PARVA: variants seen among roughly 807,000 people sequenced by gnomAD.
PARVA encodes alpha-parvin.
PARVA carries 25 observed loss-of-function variants against 52.6 expected under a neutral mutation model. The ratio of observed to expected loss-of-function variants is 0.48; its 90% CI spans 0.35 to 0.66. PARVA has a LOEUF of 0.66. Among genes scored for constraint, PARVA ranks in the 30% least tolerant of loss-of-function variants. PARVA has a pLI of 0.01. For missense variants in PARVA, 373 were observed against 450.9 expected, an observed-to-expected ratio of 0.83 and a Z score of 1.56; for synonymous variants, 185 against 179.1, an observed-to-expected ratio of 1.03 and a Z score of -0.26.
chr11:12,396,964 C>T (rs976757778), intron 1 of PARVA, among the ~76,000 whole-genome samples: 1 of 142,998 alleles, frequency 7.0e-6, no homozygotes, highest in African/African-American at 2.6e-5. Flanking sequence ...TGTTTTCTTT[C>T]CTTTCCTTTC....
At chr11:12,402,480 C>T (rs1939843570) in intron 1 of PARVA, among the ~76,000 whole-genome samples, 1 of 152,228 alleles carries the variant, frequency 6.6e-6, no homozygotes, top group Non-Finnish European at 1.5e-5. Context: ...TTCCTTTTTC[C>T]CCCTTGGTCA....
chr11:12,464,240 A>G (rs1239096529), intron 1 of PARVA, among the ~76,000 whole-genome samples: 2 of 152,178 alleles, frequency 1.3e-5, no homozygotes, highest in Non-Finnish European at 2.9e-5. Context: ...AGATATACAC[A>G]TATCTTGTAA....
chr11:12,484,504 G>GGTGTGTGTGTGTGTGT (rs35501237), intron 4 of PARVA, among the ~76,000 whole-genome samples: 211 of 144,684 alleles, frequency 1.5e-3, no homozygotes, highest in African/African-American at 5.1e-3. Context: ...GTTTTGTTTT[G>GGTGTGTGTGTGTGTGT]GTGTGTGTGT....
Position 12,527,971 on chromosome 11 carries a change from C to A in PARVA, c.*46C>A. 1.5e-6 allele frequency: 2 copies of A among 1,355,488 alleles called. No individual in the cohort carries two copies. Among genetic ancestry groups the A allele is most frequent in the Non-Finnish European group, 1.1e-6 (1 of 945,442 alleles). 84.0% of individuals were successfully genotyped at this position (1,355,488 alleles called of 1,614,324 possible). Reference sequence around the variant, plus strand: ...ACTGCCCAAGAGTTCTTGCTGTTGGCGTACTGGACCCTCCTCCGAACTGCC... The same window carrying A: ...ACTGCCCAAGAGTTCTTGCTGTTGGAGTACTGGACCCTCCTCCGAACTGCC... On this transcript the variant is annotated 3_prime_UTR_variant, in exon 13 of 13. Coordinates refer to ENST00000334956, the MANE Select transcript of PARVA (RefSeq NM_018222.5).
At chr11:12,456,157 C>CT (rs1246196516) in intron 1 of PARVA, among the ~76,000 whole-genome samples, 2 of 152,190 alleles carry the variant, frequency 1.3e-5, no homozygotes, top group Non-Finnish European at 2.9e-5. Context: ...CCTTCCCTCC[C>CT]TCCCAGTATG....
chr11:12,393,698 G>A (rs1939695708), intron 1 of PARVA, among the ~76,000 whole-genome samples: 1 of 152,134 alleles, frequency 6.6e-6, no homozygotes, highest in Non-Finnish European at 1.5e-5. Flanking sequence ...CAGCTATGTG[G>A]CCACACCTAA....
intron 1 of PARVA, among the ~76,000 whole-genome samples, chr11:12,448,214 C>A (rs947066059): frequency 6.6e-6 from 1 of 152,072 alleles, no homozygotes; most frequent in Admixed American, 6.6e-5. Flanking sequence ...ATGAGGAAGG[C>A]GGGGGGTCAT....
chr11:12,387,327 G>GT (rs1320661681), intron 1 of PARVA, among the ~76,000 whole-genome samples: 11 of 152,256 alleles, frequency 7.2e-5, no homozygotes, highest in East Asian at 3.9e-4. Context: ...TTTCTTTTCT[G>GT]TTTTTTCTGC....
intron 6 of PARVA, among the ~76,000 whole-genome samples, chr11:12,508,188 C>T (rs986129910): frequency 6.6e-6 from 1 of 152,024 alleles, no homozygotes; most frequent in Non-Finnish European, 1.5e-5. Flanking sequence ...CCACCCAGCC[C>T]CCCAGTTAAA....
intron 1 of PARVA, among the ~76,000 whole-genome samples, chr11:12,434,135 A>G (rs884272): frequency 0.25 from 38,290 of 152,120 alleles, 5,149 homozygotes; most frequent in Admixed American, 0.32. Flanking sequence ...GGCTACCTTC[A>G]AATTCTGATT....
rs560298705 is a variant in PARVA, at chr11:12,394,952, G to A, written c.136+17169G>A. On this transcript the variant is annotated intron_variant, in intron 1 of 12. Transcript: ENST00000334956. ...ACTAAAAATACAAAATTACCTGGGCGTGGTGGCTCATGCCTTTAATCCCAG... is the reference window on the plus strand; with the variant it reads ...ACTAAAAATACAAAATTACCTGGGCATGGTGGCTCATGCCTTTAATCCCAG... 7.5e-4 allele frequency among the ~76,000 whole-genome samples: 114 copies of A among 152,234 alleles called. 1 individual carries two copies. The highest frequency in any genetic ancestry group is 2.6e-3 in the African/African-American group (106 of 41,540).
intron 1 of PARVA, among the ~76,000 whole-genome samples, chr11:12,412,700 A>C (rs1940007357): frequency 6.6e-6 from 1 of 152,110 alleles, no homozygotes; most frequent in Non-Finnish European, 1.5e-5. Context: ...CCTACAGAGA[A>C]AGGGACAAAA....
chr11:12,419,290 G>A (rs1404789632), intron 1 of PARVA, among the ~76,000 whole-genome samples: 1 of 151,656 alleles, frequency 6.6e-6, no homozygotes, highest in Non-Finnish European at 1.5e-5. Context: ...CACCCCCCAG[G>A]CCCCAGCAGC....
At chr11:12,403,777 C>T (rs1454292095) in intron 1 of PARVA, among the ~76,000 whole-genome samples, 1 of 152,192 alleles carries the variant, frequency 6.6e-6, no homozygotes, top group African/African-American at 2.4e-5. Context: ...TGACCTGCAC[C>T]TCCCAACATC....
intron 12 of PARVA, among the ~76,000 whole-genome samples, chr11:12,522,323 C>CA (rs1255895200): frequency 4.0e-5 from 6 of 151,092 alleles, no homozygotes; most frequent in Non-Finnish European, 8.8e-5. Flanking sequence ...CTATTCTCTG[C>CA]AAAAAAGCAA....
intron 11 of PARVA, among the ~76,000 whole-genome samples, chr11:12,518,047 T>C (rs900752852): frequency 3.9e-5 from 6 of 152,238 alleles, no homozygotes; most frequent in Admixed American, 3.9e-4. Flanking sequence ...ATGCTTAGCC[T>C]GGTTCTGATG....
intron 1 of PARVA, among the ~76,000 whole-genome samples, chr11:12,432,678 C>G (rs1461793297): frequency 1.3e-5 from 2 of 152,308 alleles, no homozygotes; most frequent in Non-Finnish European, 2.9e-5. Context: ...GACAAAGAAC[C>G]ACGTTCTGTC....
intron 1 of PARVA, among the ~76,000 whole-genome samples, chr11:12,471,501 T>G (rs182679233): frequency 6.6e-6 from 1 of 152,204 alleles, no homozygotes; most frequent in African/African-American, 2.4e-5. Flanking sequence ...GTGGTACATA[T>G]ACACCATGGA....
At chr11:12,501,951 C>A (rs1387345609) in intron 5 of PARVA, among the ~76,000 whole-genome samples, 1 of 152,116 alleles carries the variant, frequency 6.6e-6, no homozygotes. Flanking sequence ...AGAGGGGTAG[C>A]AAATGTTCTT....
Sources: allele counts gnomAD v4.1 joint callset (sites outside exome capture counted in the v4.1 genomes callset), GRCh38; gene constraint gnomAD v4.1.1; transcripts MANE v1.5; gene names NCBI Gene and HGNC (gene_info 2026-07-23, HGNC 2026-07-21).